Variants in AMY2A observed in about 807,000 individuals in gnomAD.
The protein encoded by AMY2A is amylase alpha 2A.
AMY2A carries 16 observed loss-of-function variants against 43.0 expected under a neutral mutation model. That is an observed-to-expected ratio of 0.37 (90% CI 0.25 to 0.56). The LOEUF is 0.56. AMY2A is among the 20% of genes least tolerant of loss of function. AMY2A has a pLI of 0.77. For synonymous variants in AMY2A, 70 were observed against 144.6 expected (o/e 0.48, Z 3.70); for missense variants, 212 against 456.8 (o/e 0.46, Z 4.89).
rs1375791408 is a variant in AMY2A at position 103,624,916 on chromosome 1, A to G, written c.1347-641A>G. ...GTTGAATTGTCCCTGTCCAAGACCA[A>G]CTGACACTCATACTTAGCTCACTCT... On this transcript the variant is annotated intron_variant, in intron 9 of 9. Coordinates refer to ENST00000414303, the MANE Select transcript of AMY2A (RefSeq NM_000699.4). Among the ~76,000 whole-genome samples, 3 of 131,284 alleles carry G rather than the reference A, an allele frequency of 2.3e-5. 1 individual carries two copies. Among genetic ancestry groups the G allele is most frequent in the African/African-American group, 6.1e-5 (2 of 32,714 alleles). The allele number at this position is 131,284 out of a possible 152,430, so 86.1% of individuals were successfully genotyped here.
At chr1:103,618,131 A>G in intron 2 of AMY2A, 31 bp downstream of exon 2, 1 of 1,587,082 alleles carries the variant, frequency 6.3e-7, no homozygotes, top group Non-Finnish European at 8.6e-7. Context: ...TTTAAAAATA[A>G]CAGACAGGAA....
chr1:103,624,477 G>GA (rs1653271576), intron 9 of AMY2A, among the ~76,000 whole-genome samples: 1 of 14,220 alleles, frequency 7.0e-5, no homozygotes, highest in Non-Finnish European at 1.3e-4. Flanking sequence ...GCATATATAT[G>GA]ATGCACATGC....
At chr1:103,618,856 C>T in intron 2 of AMY2A, 55 bp from the exon 3 acceptor site, 1 of 623,106 alleles carries the variant, frequency 1.6e-6, no homozygotes, top group Admixed American at 3.0e-5. Flanking sequence ...ATCAATAATG[C>T]TTTAAATTTC....
In AMY2A at chr1:103,619,097, G is replaced by C. The variant is rs531271858; in HGVS notation, c.502G>C (p.Asp168His). Residue 168 changes from aspartate to histidine, a missense_variant, in exon 3 of 10, where the codon GAT becomes CAT. Coordinates refer to ENST00000414303, the MANE Select transcript of AMY2A (RefSeq NM_000699.4). ...AAGTGGAGATATCGAGAACTACAATGATGCTACTCAGGTAATTTTTTTACG... is the reference window on the plus strand; with the variant it reads ...AAGTGGAGATATCGAGAACTACAATCATGCTACTCAGGTAATTTTTTTACG... The part of the protein sequence containing the change: ...TGSGDIENYN[D>H]ATQVRDCRLT... 2 of 1,122,608 alleles carry C rather than the reference G, an allele frequency of 1.8e-6. No individual in the cohort carries two copies. Among genetic ancestry groups the C allele is most frequent in the African/African-American group, 3.3e-5 (2 of 60,908 alleles). The allele number at this position is 1,122,608 out of a possible 1,614,324, so 69.5% of individuals were successfully genotyped here.
chr1:103,617,234 A>G (rs1263363504), upstream of AMY2A: 3 of 1,192,174 alleles, frequency 2.5e-6, no homozygotes, highest in African/African-American at 4.5e-5. Context: ...GAAAAACATT[A>G]ATATCTAAAA....
chr1:103,619,955 C>T, intron 4 of AMY2A, 171 bp downstream of exon 4: 1 of 1,380,892 alleles, frequency 7.2e-7, no homozygotes. Context: ...TTTATCACAA[C>T]ATGTTTTATG....
intron 7 of AMY2A, among the ~76,000 whole-genome samples, chr1:103,623,277 C>G (rs903187406): frequency 7.4e-6 from 1 of 135,374 alleles, no homozygotes; most frequent in South Asian, 2.3e-4. Context: ...TACTAATGCC[C>G]TTCCCATTTC....
intron 1 of AMY2A, among the ~76,000 whole-genome samples, 160 bp from the exon 2 acceptor site, chr1:103,617,794 T>G (rs1570666600): frequency 6.6e-6 from 1 of 150,680 alleles, no homozygotes; most frequent in Admixed American, 6.6e-5. Context: ...GAGATAATCT[T>G]TCTTCACCAA....
At chr1:103,619,886 C>T (rs779220351) in intron 4 of AMY2A, 102 bp downstream of exon 4, 13 of 1,519,776 alleles carry the variant, frequency 8.6e-6, no homozygotes, top group African/African-American at 7.1e-5. Flanking sequence ...AGGAATGAGA[C>T]ATTTACATAA....
At chr1:103,618,606 T>C (rs979997005) in intron 2 of AMY2A, among the ~76,000 whole-genome samples, 4 of 150,690 alleles carry the variant, frequency 2.7e-5, no homozygotes, top group African/African-American at 9.7e-5. Context: ...AACAATAACC[T>C]TTCCACTCTC....
chr1:103,617,976 T>C lies in AMY2A; in HGVS notation c.191T>C (p.Val64Ala), dbSNP rs374867966. The stretch of plus-strand genomic sequence containing the variant: ...TAGGTCTCTCCACCAAATGAAAATG[T>C]TGCAATTTACAACCCTTTCAGACCT... Reference protein sequence around the residue: ...GVQVSPPNENVAIYNPFRPWW... With the variant: ...GVQVSPPNENAAIYNPFRPWW... Residue 64 changes from valine (V) to alanine (A), a missense_variant, in exon 2 of 10, where the codon GTT (valine) becomes GCT (alanine). Coordinates refer to ENST00000414303, the MANE Select transcript of AMY2A (RefSeq NM_000699.4). 20 of 1,600,692 alleles carry C rather than the reference T, an allele frequency of 1.2e-5. No homozygotes were observed. The African/African-American group carries it at 2.5e-4, about 20-fold the overall frequency.
intron 1 of AMY2A, 78 bp downstream of exon 1, chr1:103,617,686 T>C: frequency 1.3e-6 from 2 of 1,596,566 alleles, no homozygotes; most frequent in East Asian, 2.2e-5. Context: ...TCTGTGAAGC[T>C]TGGGCAACAT....
At chr1:103,617,231 A>G (rs1653101388), upstream of AMY2A, 2 of 1,185,112 alleles carry the variant, frequency 1.7e-6, no homozygotes, top group Non-Finnish European at 2.3e-6. Context: ...TAAGAAAAAC[A>G]TTAATATCTA....
At position 103,617,464 on chromosome 1, in the gene AMY2A, C is replaced by T. The variant is rs370809725; in HGVS notation, c.24C>T (p.Phe8=). The part of the protein sequence containing the change: MKFFLLL[F]TIGFCWAQYS... ...AAATGAAGTTCTTTCTGTTGCTTTT[C>T]ACCATTGGGTTCTGCTGGGCTCAGT... Residue 8 remains phenylalanine, a synonymous_variant, in exon 1 of 10, where the codon TTC becomes TTT. Transcript: ENST00000414303. 192 of 1,600,252 alleles carry T rather than the reference C, an allele frequency of 1.2e-4. 11 individuals are homozygous for T. In the South Asian group the frequency reaches 2.0e-3, roughly 17 times the overall value.
rs767551968 is a variant in AMY2A, at chr1:103,620,549, A to G, written c.745-2A>G. 1 of 1,597,682 alleles carries G rather than the reference A, an allele frequency of 6.3e-7. No individual in the cohort carries two copies. ...TGTTATTGTTTCCTAAATTTCTACT[A>G]GGTAATTGATCTGGGTGGTGAGCCA... On this transcript the variant is annotated splice_acceptor_variant, in intron 4 of 9. Coordinates refer to ENST00000414303, the MANE Select transcript of AMY2A (RefSeq NM_000699.4). LOFTEE classifies it high-confidence loss of function.
Position 103,617,585 on chromosome 1 carries a change from C to A in AMY2A, c.145C>A (p.Pro49Thr), listed in dbSNP as rs147709536. The A allele has an allele frequency of 3.4e-4, 546 of 1,600,700 alleles. 38 individuals are homozygous for A. The highest frequency in any genetic ancestry group is 4.4e-4 in the Non-Finnish European group (515 of 1,170,848). Residue 49 changes from proline to threonine, a missense_variant, in exon 1 of 10, where the codon CCG (proline) becomes ACG (threonine). Physicochemically the swap from Pro to Thr is conservative, Grantham distance 38. Coordinates refer to ENST00000414303, the MANE Select transcript of AMY2A (RefSeq NM_000699.4). Reference sequence around the variant, plus strand: ...TCTTGAATGTGAGCGATATTTAGCTCCGAAGGGATTTGGAGGGGTTCAGGT... The same window carrying A: ...TCTTGAATGTGAGCGATATTTAGCTACGAAGGGATTTGGAGGGGTTCAGGT... ...IALECERYLA[P>T]KGFGGVQVSP...
intron 3 of AMY2A, among the ~76,000 whole-genome samples, 175 bp from the exon 4 acceptor site, chr1:103,619,379 T>C (rs1196056440): frequency 6.6e-6 from 1 of 150,600 alleles, no homozygotes; most frequent in African/African-American, 2.4e-5. Context: ...TATTTTCTAT[T>C]AGAAAATATT....
intron 4 of AMY2A, 117 bp downstream of exon 4, chr1:103,619,901 G>A: frequency 6.7e-7 from 1 of 1,487,254 alleles, no homozygotes. Flanking sequence ...ACATAAAACA[G>A]TGTTCTTTAA....
intron 3 of AMY2A, 99 bp downstream of exon 3, chr1:103,619,207 T>C (rs895296683): frequency 3.3e-6 from 2 of 597,230 alleles, no homozygotes; most frequent in Non-Finnish European, 5.9e-6. Flanking sequence ...GGAATTTAGA[T>C]CTCTTAGGGA....
Sources: gnomAD v4.1 joint callset for allele counts (sites outside exome capture counted in the v4.1 genomes callset) on GRCh38, gnomAD v4.1.1 for gene constraint, MANE v1.5 for transcripts, NCBI Gene and HGNC (gene_info 2026-07-23, HGNC 2026-07-21) for gene names.